The following ODAPH variants were observed in gnomAD, a reference collection of about 807,000 sequenced individuals.
The protein encoded by ODAPH is odontogenesis associated phosphoprotein.
In ODAPH, 2 loss-of-function variants were observed where a neutral mutation model predicts 2.8. The ratio of observed to expected loss-of-function variants is 0.72; its 90% CI spans 0.30 to 2.28. ODAPH has a LOEUF of 2.28. ODAPH is among the 30% of genes most tolerant of loss of function. The pLI, the probability that ODAPH is intolerant of heterozygous loss-of-function variation, is 0.13. For missense variants in ODAPH, 159 were observed against 163.3 expected (o/e 0.97, Z 0.14); for synonymous variants, 75 against 60.3 (o/e 1.24, Z -1.13).
At chr4:75,559,032 G>A (rs527875549) in intron 1 of ODAPH, among the ~76,000 whole-genome samples, 1 of 152,094 alleles carries the variant, frequency 6.6e-6, no homozygotes, top group Non-Finnish European at 1.5e-5. Context: ...GATTTTCTGC[G>A]ACTGAAATTA....
At chr4:75,558,492 CCA>C (rs1241956601) in intron 1 of ODAPH, among the ~76,000 whole-genome samples, 3 of 148,600 alleles carry the variant, frequency 2.0e-5, no homozygotes, top group Non-Finnish European at 4.4e-5. Flanking sequence ...GCCCAAATAA[CCA>C]CAGAGTATAG....
intron 1 of ODAPH, among the ~76,000 whole-genome samples, chr4:75,561,218 A>C (rs367604841): frequency 0.012 from 1,395 of 116,652 alleles, 30 homozygotes; most frequent in African/African-American, 0.045. Context: ...AGCGAAACTC[A>C]ATCTCAAAAA....
intron 1 of ODAPH, among the ~76,000 whole-genome samples, chr4:75,559,311 T>G (rs1294106167): frequency 2.0e-5 from 3 of 152,194 alleles, no homozygotes; most frequent in Non-Finnish European, 2.9e-5. Context: ...TCCATAACAT[T>G]CAAGATTAAT....
chr4:75,558,857 G>A (rs939524042), intron 1 of ODAPH, among the ~76,000 whole-genome samples: 5 of 151,926 alleles, frequency 3.3e-5, no homozygotes, highest in Non-Finnish European at 5.9e-5. Context: ...CACCATGCCC[G>A]GCTAATTTTT....
rs1397894177 is a variant in ODAPH, at chr4:75,564,388, G to A, written c.342G>A (p.Arg114=). The A allele has an allele frequency of 2.5e-6, 4 of 1,613,868 alleles. No homozygotes were observed. The highest frequency in any genetic ancestry group is 2.2e-5 in the South Asian group (2 of 91,084). The change falls in exon 2 of 2, where the codon AGG becomes AGA. Residue 114 remains arginine, a synonymous_variant. Transcript: ENST00000311623. ...FYWPHRYLTY[R]YFPRRRLQRG... Reference sequence around the variant, plus strand: ...GGCCACACCGTTACCTTACTTATAGGTATTTCCCCAGAAGAAGACTCCAGA... The same window carrying A: ...GGCCACACCGTTACCTTACTTATAGATATTTCCCCAGAAGAAGACTCCAGA...
At chr4:75,561,960 T>C (rs957574470) in intron 1 of ODAPH, among the ~76,000 whole-genome samples, 1 of 152,240 alleles carries the variant, frequency 6.6e-6, no homozygotes, top group Admixed American at 6.5e-5. Context: ...TGCTTCTATG[T>C]GCAGACTGGC....
chr4:75,559,027 T>C (rs548860799), intron 1 of ODAPH, among the ~76,000 whole-genome samples: 2 of 152,334 alleles, frequency 1.3e-5, no homozygotes, highest in East Asian at 3.9e-4. Context: ...TTGCAGATTT[T>C]CTGCGACTGA....
At chr4:75,558,470 C>T (rs1362941449) in intron 1 of ODAPH, among the ~76,000 whole-genome samples, 1 of 150,976 alleles carries the variant, frequency 6.6e-6, no homozygotes, top group Non-Finnish European at 1.5e-5. Flanking sequence ...TCACTGCAAG[C>T]CAGCTTTGTC....
Position 75,564,765 on chromosome 4 carries a change from T to G in ODAPH, c.*326T>G, listed in dbSNP as rs899511682. The G allele has an allele frequency of 1.5e-5, 8 of 520,206 alleles. No homozygotes were observed. Among genetic ancestry groups the G allele is most frequent in the Non-Finnish European group, 2.0e-5 (6 of 293,680 alleles). The allele number at this position is 520,206 out of a possible 1,614,324, so 32.2% of individuals were successfully genotyped here. ...TACTAAGATGCTGAGAGAATCCATC[T>G]CCTCCTCTAAATTAAACAGGATTTA... On this transcript the variant is annotated 3_prime_UTR_variant, in exon 2 of 2. Transcript: ENST00000311623.
intron 1 of ODAPH, among the ~76,000 whole-genome samples, chr4:75,558,584 T>C (rs1486009041): frequency 6.6e-6 from 1 of 152,222 alleles, no homozygotes. Flanking sequence ...GTTGTTGGTA[T>C]GCTGTGAATT....
chr4:75,557,226 A>G (rs1036677174), intron 1 of ODAPH, among the ~76,000 whole-genome samples: 4 of 152,220 alleles, frequency 2.6e-5, no homozygotes, highest in Non-Finnish European at 5.9e-5. Flanking sequence ...GCATCATAAA[A>G]CAAAACTAGC....
intron 1 of ODAPH, among the ~76,000 whole-genome samples, chr4:75,559,192 C>T (rs1727465419): frequency 6.6e-6 from 1 of 152,108 alleles, no homozygotes; most frequent in African/African-American, 2.4e-5. Flanking sequence ...GTCAACAGTC[C>T]CTGTCATTGG....
At chr4:75,560,727 A>C (rs991270086) in intron 1 of ODAPH, among the ~76,000 whole-genome samples, 5 of 152,260 alleles carry the variant, frequency 3.3e-5, no homozygotes, top group African/African-American at 1.2e-4. Flanking sequence ...AGTCAGAGAA[A>C]ACTTGCCTTG....
chr4:75,560,992 C>T (rs940244247), intron 1 of ODAPH, among the ~76,000 whole-genome samples: 1 of 151,738 alleles, frequency 6.6e-6, no homozygotes, highest in African/African-American at 2.4e-5. Flanking sequence ...CCGAGGCGGG[C>T]GGATCACGAG....
intron 1 of ODAPH, among the ~76,000 whole-genome samples, chr4:75,558,400 G>A (rs1727428689): frequency 6.6e-6 from 1 of 151,970 alleles, no homozygotes; most frequent in African/African-American, 2.4e-5. Flanking sequence ...ACCATGTAAG[G>A]GAAGAACTGC....
chr4:75,556,959 G>C lies in ODAPH; in HGVS notation c.67+810G>C, dbSNP rs185492018. Among the ~76,000 whole-genome samples, 482 of 152,264 alleles carry C rather than the reference G, an allele frequency of 3.2e-3. 4 individuals are homozygous for C. Among genetic ancestry groups the C allele is most frequent in the African/African-American group, 0.011 (462 of 41,534 alleles). ...TCACCCCTTTCACATGTCTTGGGTA[G>C]GGGGCTTTGCAGGGGCTCAGCCAAA... On this transcript the variant is annotated intron_variant, in intron 1 of 1. Transcript: ENST00000311623.
chr4:75,557,171 G>A (rs1727368906), intron 1 of ODAPH, among the ~76,000 whole-genome samples: 1 of 152,158 alleles, frequency 6.6e-6, no homozygotes, highest in Non-Finnish European at 1.5e-5. Flanking sequence ...ATATCCCAAG[G>A]CAAGGCCCCC....
At chr4:75,561,168 G>T (rs1386146018) in intron 1 of ODAPH, among the ~76,000 whole-genome samples, 1 of 142,716 alleles carries the variant, frequency 7.0e-6, no homozygotes, top group African/African-American at 2.6e-5. Flanking sequence ...AGCTTGCAGT[G>T]AGCCGAGATC....
intron 1 of ODAPH, chr4:75,563,390 G>A (rs1727673674): frequency 6.5e-6 from 1 of 153,930 alleles, no homozygotes; most frequent in South Asian, 2.0e-4. Context: ...ATAAATGTGT[G>A]TATGTGTATA....
Sources: gnomAD v4.1 joint callset for allele counts (sites outside exome capture counted in the v4.1 genomes callset) on GRCh38, gnomAD v4.1.1 for gene constraint, MANE v1.5 for transcripts, NCBI Gene and HGNC (gene_info 2026-07-23, HGNC 2026-07-21) for gene names.